MAN2A2: variants seen among roughly 807,000 people sequenced by gnomAD.
MAN2A2 encodes mannosidase alpha class 2A member 2.
MAN2A2 carries 79 observed loss-of-function variants against 126.8 expected under a neutral mutation model. The observed-to-expected ratio is 0.62, with a 90% CI of 0.52 to 0.75. The LOEUF is 0.75. Among genes scored for constraint, MAN2A2 ranks in the 30% least tolerant of loss-of-function variants. The pLI is 0.00. For missense variants in MAN2A2, 1,392 were observed against 1,522.4 expected, an observed-to-expected ratio of 0.91 and a Z score of 1.43; for synonymous variants, 671 against 618.7, an observed-to-expected ratio of 1.08 and a Z score of -1.25.
At chr15:90,906,148 G>A in intron 5 of MAN2A2, 132 bp downstream of exon 5, 4 of 1,385,406 alleles carry the variant, frequency 2.9e-6, no homozygotes, top group Non-Finnish European at 4.0e-6. Context: ...ATGAGTGATG[G>A]TGGAGGGAGG....
chr15:90,911,066 A>G, intron 12 of MAN2A2, 105 bp downstream of exon 12: 1 of 1,483,244 alleles, frequency 6.7e-7, no homozygotes, highest in Non-Finnish European at 9.4e-7. Context: ...CCCCATCCGG[A>G]TGAGTTCTGT....
At chr15:90,911,319 C>T in intron 13 of MAN2A2, 66 bp from the exon 14 acceptor site, 2 of 1,612,772 alleles carry the variant, frequency 1.2e-6, no homozygotes, top group Non-Finnish European at 1.7e-6. Flanking sequence ...TGTGCTGAAC[C>T]AGTGCAGGGC....
chr15:90,912,507 G>T, intron 15 of MAN2A2, 35 bp from the exon 16 acceptor site: 1 of 1,608,830 alleles, frequency 6.2e-7, no homozygotes. Context: ...ACATGCTGGT[G>T]TGGGGCCAGG....
chr15:90,913,982 T>C (rs778145889), intron 19 of MAN2A2, among the ~76,000 whole-genome samples: 1 of 152,144 alleles, frequency 6.6e-6, no homozygotes, highest in Non-Finnish European at 1.5e-5. Flanking sequence ...TGGAGTGTCC[T>C]ACTGGATGCC....
At chr15:90,914,474 C>T (rs1303772450) in intron 19 of MAN2A2, among the ~76,000 whole-genome samples, 2 of 152,192 alleles carry the variant, frequency 1.3e-5, no homozygotes, top group African/African-American at 2.4e-5. Context: ...AAATTACATA[C>T]TGTTTTCCTT....
At position 90,911,639 on chromosome 15, in the gene MAN2A2, T is replaced by C. The variant is rs534235155; in HGVS notation, c.2109+89T>C. 5 of 1,393,046 alleles carry C rather than the reference T, an allele frequency of 3.6e-6. No homozygotes were observed. The East Asian group carries it at 1.2e-4, about 34-fold the overall frequency. The allele number at this position is 1,393,046 out of a possible 1,614,324, so 86.3% of individuals were successfully genotyped here. A position where few individuals can be genotyped will look rare whatever the true frequency, so the allele number is the denominator to read the frequency against. ...CGACGCCAGCCTCCCACCCTCCTGC[T>C]TGTGGCCCTGCTACTCTCCAGGCTG... On this transcript the variant is annotated intron_variant, in intron 14 of 22. Coordinates refer to ENST00000559717, the MANE Select transcript of MAN2A2 (RefSeq NM_006122.4).
chr15:90,920,023 C>CA lies in MAN2A2; in HGVS notation c.*237dup. The CA allele has an allele frequency of 2.0e-6, 1 of 509,780 alleles. No individual in the cohort carries two copies. Among genetic ancestry groups the CA allele is most frequent in the South Asian group, 2.4e-5 (1 of 41,006 alleles). 31.6% of individuals were successfully genotyped at this position (509,780 alleles called of 1,614,324 possible). A position where few individuals can be genotyped will look rare whatever the true frequency, so the allele number is the denominator to read the frequency against. ...AGATCAGGGAGAGAAGGCCCTTGGTCAGAGTGGGCAGTGCCAGGCTCTGCT... is the reference window on the plus strand; with the variant it reads ...AGATCAGGGAGAGAAGGCCCTTGGTCAAGAGTGGGCAGTGCCAGGCTCTGCT... On this transcript the variant is annotated 3_prime_UTR_variant, in exon 23 of 23. Coordinates refer to ENST00000559717, the MANE Select transcript of MAN2A2 (RefSeq NM_006122.4).
Position 90,921,762 on chromosome 15 carries a change from T to C in MAN2A2, c.*1975T>C, listed in dbSNP as rs1449973182. On this transcript the variant is annotated 3_prime_UTR_variant, in exon 23 of 23. Coordinates refer to ENST00000559717, the MANE Select transcript of MAN2A2 (RefSeq NM_006122.4). ...GGCGAAACCCTGTGTCTACTAAAAA[T>C]ACAAAAACTAGCCAGGAATGGTGGC... The C allele has an allele frequency of 1.3e-5, 2 of 151,960 alleles. No homozygotes were observed. Among genetic ancestry groups the C allele is most frequent in the Non-Finnish European group, 2.9e-5 (2 of 67,992 alleles). The allele number at this position is 151,960 out of a possible 1,614,324, so 9.4% of individuals were successfully genotyped here.
At chr15:90,910,456 C>T (rs1240380189) in intron 10 of MAN2A2, 45 bp from the exon 11 acceptor site, 1 of 1,607,518 alleles carries the variant, frequency 6.2e-7, no homozygotes, top group African/African-American at 1.3e-5. Context: ...TGGGTGGGCC[C>T]TGGCTAGTGG....
At position 90,906,447 on chromosome 15, in the gene MAN2A2, C is replaced by T; in HGVS notation, c.785C>T (p.Ala262Val). The change falls in exon 6 of 23, where the codon GCA (alanine) becomes GTA (valine). Residue 262 changes from alanine to valine, a missense_variant. Transcript: ENST00000559717. ...GATGAGGCCAATTCCCACTACTTTG[C>T]ATTGATTGACCAGCTCATCGAAGGA... ...MPDEANSHYFALIDQLIEGHQ... is the reference protein window; with the variant it reads ...MPDEANSHYFVLIDQLIEGHQ... 6.2e-7 allele frequency: 1 copy of T among 1,614,162 alleles called. No homozygotes were observed. The highest frequency in any genetic ancestry group is 8.5e-7 in the Non-Finnish European group (1 of 1,180,014).
intron 17 of MAN2A2, 61 bp from the exon 18 acceptor site, chr15:90,913,212 G>A: frequency 1.3e-6 from 2 of 1,587,334 alleles, no homozygotes; most frequent in Non-Finnish European, 1.7e-6. Flanking sequence ...CCCCAGCCCA[G>A]CCTCTTAGCT....
At chr15:90,911,904 G>A in intron 14 of MAN2A2, 139 bp from the exon 15 acceptor site, 1 of 714,908 alleles carries the variant, frequency 1.4e-6, no homozygotes, top group African/African-American at 1.8e-5. Context: ...GGGCAAATCA[G>A]ATCACCTCCA....
At chr15:90,912,479 T>C in intron 15 of MAN2A2, 63 bp from the exon 16 acceptor site, 1 of 1,600,444 alleles carries the variant, frequency 6.2e-7, no homozygotes, top group East Asian at 2.3e-5. Flanking sequence ...TTCCGTGTCC[T>C]CCCAGGAGGC....
chr15:90,911,924 A>T, intron 14 of MAN2A2, 119 bp from the exon 15 acceptor site: 1 of 771,654 alleles, frequency 1.3e-6, no homozygotes. Context: ...ACTTTGGAGG[A>T]GGGGCAGAGG....
chr15:90,906,882 C>A lies in MAN2A2; in HGVS notation c.978C>A (p.His326Gln), dbSNP rs1471608021. Residue 326 changes from histidine (H) to glutamine (Q), a missense_variant, in exon 7 of 23, where the codon CAC (histidine) becomes CAA (glutamine). By Grantham distance (24) the His-to-Gln change is conservative. Coordinates refer to ENST00000559717, the MANE Select transcript of MAN2A2 (RefSeq NM_006122.4). ...YAIKKHFAAT[H>Q]SLEFMWRQTW... ...TCAAGAAGCACTTTGCTGCCACCCA[C>A]AGCCTAGAGTTCATGTGGAGGCAGA... 1 of 1,614,076 alleles carries A rather than the reference C, an allele frequency of 6.2e-7. No homozygotes were observed. The highest frequency in any genetic ancestry group is 1.7e-5 in the Admixed American group (1 of 60,028).
Position 90,918,641 on chromosome 15 carries a change from C to T in MAN2A2, c.3190-4C>T, listed in dbSNP as rs528249619. ...CACTTCCCTGGGCACTGTCTGTCAT[C>T]CAGGAGGACACCCTACCCTCGGCGG... On this transcript the variant is annotated splice_polypyrimidine_tract_variant and splice_region_variant and intron_variant, in intron 21 of 22. Transcript: ENST00000559717. 1.2e-4 allele frequency: 180 copies of T among 1,511,084 alleles called. 1 individual carries two copies. The highest frequency in any genetic ancestry group is 9.9e-4 in the Admixed American group (59 of 59,724). The allele number at this position is 1,511,084 out of a possible 1,614,324, so 93.6% of individuals were successfully genotyped here. A position where few individuals can be genotyped will look rare whatever the true frequency, so the allele number is the denominator to read the frequency against.
In MAN2A2 at chr15:90,913,605, C is replaced by A. The variant is rs201940752; in HGVS notation, c.2719-9C>A. ...GGGTGCCCTTGATCTGCTGGCCTTG[C>A]CCCCACAGGTGCAGCCCCGACGGTA... On this transcript the variant is annotated splice_polypyrimidine_tract_variant and intron_variant, in intron 18 of 22. Coordinates refer to ENST00000559717, the MANE Select transcript of MAN2A2 (RefSeq NM_006122.4). The A allele has an allele frequency of 1.2e-6, 2 of 1,605,568 alleles. No homozygotes were observed. The highest frequency in any genetic ancestry group is 1.3e-5 in the African/African-American group (1 of 74,642).
rs376068794 is a variant in MAN2A2, at chr15:90,910,835, C to A, written c.1761-12C>A. On this transcript the variant is annotated splice_polypyrimidine_tract_variant and intron_variant, in intron 11 of 22. Coordinates refer to ENST00000559717, the MANE Select transcript of MAN2A2 (RefSeq NM_006122.4). ...TCATCTTCTCTCCTTCCCTCTCCTG[C>A]GCCACCCACAGGCTTCTGCGCTCCC... 316 of 1,609,560 alleles carry A rather than the reference C, an allele frequency of 2.0e-4. 1 individual carries two copies. Among genetic ancestry groups the A allele is most frequent in the Non-Finnish European group, 2.4e-4 (287 of 1,176,240 alleles).
chr15:90,916,321 C>T (rs2035177487), intron 20 of MAN2A2, 65 bp downstream of exon 20: 1 of 1,573,754 alleles, frequency 6.4e-7, no homozygotes, highest in African/African-American at 1.4e-5. Context: ...GCCGGGGGGT[C>T]CAGCCTAGGG....
Sources: allele counts gnomAD v4.1 joint callset (sites outside exome capture counted in the v4.1 genomes callset), GRCh38; gene constraint gnomAD v4.1.1; transcripts MANE v1.5; gene names NCBI Gene and HGNC (gene_info 2026-07-23, HGNC 2026-07-21).